KCNH7: variants seen among roughly 807,000 people sequenced by gnomAD.
KCNH7 encodes voltage-gated inwardly rectifying potassium channel KCNH7.
A neutral mutation model predicts 120.8 loss-of-function variants in KCNH7; 49 were observed. The observed-to-expected ratio is 0.41, with a 90% confidence interval of 0.32 to 0.51. The LOEUF (loss-of-function observed/expected upper bound fraction) is 0.51, where lower values mean the gene tolerates loss of function less well. Among genes scored for constraint, KCNH7 ranks in the 20% least tolerant of loss-of-function variants. KCNH7 has a pLI of 0.38. For synonymous variants in KCNH7, 547 were observed against 516.1 expected (o/e 1.06, Z -0.81); for missense variants, 1,097 against 1,446.6 (o/e 0.76, Z 3.92).
chr2:162,744,052 C>T (rs1366518765), intron 2 of KCNH7, among the ~76,000 whole-genome samples: 1 of 152,028 alleles, frequency 6.6e-6, no homozygotes, highest in Non-Finnish European at 1.5e-5. Context: ...ACGGATTCGC[C>T]ATACCCTGAA....
chr2:162,781,857 T>C (rs17732179), intron 2 of KCNH7, among the ~76,000 whole-genome samples: 14,636 of 147,496 alleles, frequency 0.099, 891 homozygotes, highest in Non-Finnish European at 0.13. Flanking sequence ...CTTTAGTGAC[T>C]GACTATTTCA....
At chr2:162,424,741 C>T (rs1687806175) in intron 8 of KCNH7, among the ~76,000 whole-genome samples, 1 of 152,148 alleles carries the variant, frequency 6.6e-6, no homozygotes, top group African/African-American at 2.4e-5. Context: ...ACCTTGTTTG[C>T]TTATCTTGTC....
Position 162,782,700 on chromosome 2 carries a change from T to C in KCNH7, c.307+53837A>G, listed in dbSNP as rs142927060. Among the ~76,000 whole-genome samples, 902 of 152,304 alleles carry C rather than the reference T, an allele frequency of 5.9e-3. 11 individuals carry two copies. Among genetic ancestry groups the C allele is most frequent in the African/African-American group, 0.02 (847 of 41,576 alleles). On this transcript the variant is annotated intron_variant, in intron 2 of 15. Transcript: ENST00000332142. ...AACATCTGAGTATCAAGAAAAGCAA[T>C]GATTCTGAGCATGTTTCTGTTGCAC...
intron 10 of KCNH7, among the ~76,000 whole-genome samples, chr2:162,399,871 G>A (rs1687019485): frequency 6.6e-6 from 1 of 151,866 alleles, no homozygotes; most frequent in Non-Finnish European, 1.5e-5. Flanking sequence ...CAAGCATGAA[G>A]CTAAGATCTT....
chr2:162,395,694 A>T (rs1686892267), intron 11 of KCNH7, among the ~76,000 whole-genome samples: 1 of 151,736 alleles, frequency 6.6e-6, no homozygotes, highest in South Asian at 2.1e-4. Context: ...TTCCACTTCA[A>T]TTAAAAAAAA....
At chr2:162,424,259 C>A (rs180896517) in intron 8 of KCNH7, among the ~76,000 whole-genome samples, 2 of 151,932 alleles carry the variant, frequency 1.3e-5, no homozygotes, top group Non-Finnish European at 2.9e-5. Flanking sequence ...GGGAAGAAAC[C>A]GCTATGAGAT....
chr2:162,746,988 G>A (rs1688340454), intron 2 of KCNH7, among the ~76,000 whole-genome samples: 2 of 152,054 alleles, frequency 1.3e-5, no homozygotes, highest in South Asian at 4.1e-4. Flanking sequence ...ACATGAAAGT[G>A]ATAAAGGAGT....
intron 2 of KCNH7, among the ~76,000 whole-genome samples, chr2:162,776,457 T>G (rs529296447): frequency 6.6e-6 from 1 of 151,950 alleles, no homozygotes; most frequent in South Asian, 2.1e-4. Flanking sequence ...GGGCCAAATA[T>G]AAGTCAAAAA....
intron 2 of KCNH7, among the ~76,000 whole-genome samples, chr2:162,622,873 G>A (rs1055065080): frequency 2.6e-5 from 4 of 152,060 alleles, no homozygotes; most frequent in Non-Finnish European, 4.4e-5. Flanking sequence ...TGCCTCTCAT[G>A]CATCCTGTTT....
intron 6 of KCNH7, among the ~76,000 whole-genome samples, chr2:162,499,106 C>A (rs983299595): frequency 6.6e-6 from 1 of 152,008 alleles, no homozygotes; most frequent in Non-Finnish European, 1.5e-5. Context: ...TGGTCTAATA[C>A]AAAACTTGTC....
At chr2:162,726,545 G>A (rs1559102411) in intron 2 of KCNH7, among the ~76,000 whole-genome samples, 1 of 152,030 alleles carries the variant, frequency 6.6e-6, no homozygotes, top group Non-Finnish European at 1.5e-5. Context: ...TCAGCCTCCT[G>A]AGAAGCTGGG....
chr2:162,615,547 G>C (rs1683115783), intron 2 of KCNH7, among the ~76,000 whole-genome samples: 1 of 152,044 alleles, frequency 6.6e-6, no homozygotes, highest in Non-Finnish European at 1.5e-5. Context: ...GTTCTCAAAT[G>C]GTAGGTAGAA....
intron 2 of KCNH7, among the ~76,000 whole-genome samples, chr2:162,587,248 G>A (rs1487549076): frequency 1.3e-5 from 2 of 152,064 alleles, no homozygotes; most frequent in Non-Finnish European, 2.9e-5. Context: ...TTTTATTTGG[G>A]TAGGTATTAT....
chr2:162,591,769 A>G (rs758725124), intron 2 of KCNH7, among the ~76,000 whole-genome samples: 1 of 152,120 alleles, frequency 6.6e-6, no homozygotes, highest in Non-Finnish European at 1.5e-5. Flanking sequence ...TTTTAGAAGT[A>G]GCAAATAATT....
intron 4 of KCNH7, among the ~76,000 whole-genome samples, chr2:162,514,931 C>A (rs1353582004): frequency 2.0e-5 from 3 of 151,610 alleles, no homozygotes; most frequent in Non-Finnish European, 4.4e-5. Context: ...AGACAACAAC[C>A]CAACTTCGAA....
intron 2 of KCNH7, among the ~76,000 whole-genome samples, chr2:162,739,110 G>T (rs531615835): frequency 1.2e-4 from 19 of 152,140 alleles, no homozygotes; most frequent in African/African-American, 4.3e-4. Context: ...ATCTTCTTTG[G>T]GAGCCTCAGA....
intron 2 of KCNH7, among the ~76,000 whole-genome samples, chr2:162,572,404 C>A (rs1354077768): frequency 1.7e-5 from 2 of 115,316 alleles, no homozygotes; most frequent in Non-Finnish European, 3.6e-5. Context: ...ACAACAGGTG[C>A]TGGAGAGGAT....
intron 2 of KCNH7, among the ~76,000 whole-genome samples, chr2:162,612,391 G>A (rs999280660): frequency 1.3e-5 from 2 of 152,142 alleles, no homozygotes; most frequent in African/African-American, 4.8e-5. Flanking sequence ...ACCTGAGCTT[G>A]AGTCAGAGAA....
chr2:162,669,726 A>G (rs1685272043), intron 2 of KCNH7, among the ~76,000 whole-genome samples: 3 of 152,292 alleles, frequency 2.0e-5, no homozygotes, highest in African/African-American at 7.2e-5. Context: ...AACATCCTGT[A>G]TTGCATAGGA....
Sources: gnomAD v4.1 joint callset for allele counts (sites outside exome capture counted in the v4.1 genomes callset) on GRCh38, gnomAD v4.1.1 for gene constraint, MANE v1.5 for transcripts, NCBI Gene and HGNC (gene_info 2026-07-23, HGNC 2026-07-21) for gene names.